Variants in EI24 observed in about 807,000 individuals in gnomAD.
EI24 encodes EI24 autophagy associated transmembrane protein.
A neutral mutation model predicts 48.6 loss-of-function variants in EI24; 21 were observed. The observed-to-expected ratio is 0.43, with a 90% CI of 0.31 to 0.62. The LOEUF (loss-of-function observed/expected upper bound fraction) is 0.62, where lower values mean the gene tolerates loss of function less well. Among genes scored for constraint, EI24 ranks in the 20% least tolerant of loss-of-function variants. EI24 has a pLI of 0.10. For synonymous variants in EI24, 114 were observed against 145.5 expected, an observed-to-expected ratio of 0.78 and a Z score of 1.56; for missense variants, 280 against 410.5, an observed-to-expected ratio of 0.68 and a Z score of 2.75.
At chr11:125,577,252 C>T (rs749118388) in intron 4 of EI24, among the ~76,000 whole-genome samples, 4 of 152,086 alleles carry the variant, frequency 2.6e-5, no homozygotes, top group East Asian at 3.9e-4. Flanking sequence ...CCACCACACC[C>T]GACCAATTGT....
rs1479678850 is a variant in EI24 at position 125,575,251 on chromosome 11, C to T, written c.43-12C>T. On this transcript the variant is annotated splice_polypyrimidine_tract_variant and intron_variant, in intron 2 of 10. Coordinates refer to ENST00000278903, the MANE Select transcript of EI24 (RefSeq NM_004879.5). ...CAAATAATAATAATAATAATGATAG[C>T]CTTTTCTATAGGGAATCAAAGACTC... 1 of 1,533,006 alleles carries T rather than the reference C, an allele frequency of 6.5e-7. No individual in the cohort carries two copies. Among genetic ancestry groups the T allele is most frequent in the African/African-American group, 1.4e-5 (1 of 72,454 alleles). The allele number at this position is 1,533,006 out of a possible 1,614,324, so 95.0% of individuals were successfully genotyped here.
At chr11:125,576,162 T>C in intron 3 of EI24, 93 bp from the exon 4 acceptor site, 1 of 1,209,080 alleles carries the variant, frequency 8.3e-7, no homozygotes, top group Non-Finnish European at 1.2e-6. Flanking sequence ...AATAATACAG[T>C]ACCCACAAAA....
At chr11:125,571,858 A>G (rs1236612647) in intron 1 of EI24, among the ~76,000 whole-genome samples, 3 of 152,204 alleles carry the variant, frequency 2.0e-5, no homozygotes, top group Non-Finnish European at 2.9e-5. Context: ...CCTGGGCAAC[A>G]AGAGCGAGAC....
In EI24 at chr11:125,569,540, G is replaced by C. The variant is rs1938448587; in HGVS notation, c.-104G>C. The C allele has an allele frequency of 2.7e-6, 1 of 376,768 alleles. No individual in the cohort carries two copies. The highest frequency in any genetic ancestry group is 2.1e-5 in the African/African-American group (1 of 47,616). 23.3% of individuals were successfully genotyped at this position (376,768 alleles called of 1,614,324 possible). A position where few individuals can be genotyped will look rare whatever the true frequency, so the allele number is the denominator to read the frequency against. On this transcript the variant is annotated 5_prime_UTR_variant, in exon 1 of 11. Coordinates refer to ENST00000278903, the MANE Select transcript of EI24 (RefSeq NM_004879.5). ...GCGGAGCTGGCCTGCGGTGGGCTAG[G>C]GGCAGGGCCGGAGCCGCGGCGGCGG...
intron 10 of EI24, among the ~76,000 whole-genome samples, chr11:125,583,186 C>T (rs1939086513): frequency 6.6e-6 from 1 of 152,052 alleles, no homozygotes; most frequent in Non-Finnish European, 1.5e-5. Context: ...CTGCAACCTC[C>T]GCCTACCAGG....
chr11:125,579,105 TAAAAAG>T (rs1209504470), intron 7 of EI24, 37 bp downstream of exon 7: 4 of 1,537,176 alleles, frequency 2.6e-6, no homozygotes, highest in Non-Finnish European at 3.5e-6. Context: ...GCAGCTTTAT[TAAAAAG>T]AAAAACTGTT....
chr11:125,582,446 T>C (rs1340184940), intron 10 of EI24, 26 bp downstream of exon 10: 10 of 1,564,374 alleles, frequency 6.4e-6, no homozygotes, highest in African/African-American at 1.4e-5. Flanking sequence ...TGATGAAATT[T>C]TTGCTGTGTA....
In EI24 at chr11:125,584,289, G is replaced by A. The variant is rs1343595049; in HGVS notation, c.*606G>A. On this transcript the variant is annotated 3_prime_UTR_variant, in exon 11 of 11. Transcript: ENST00000278903. Reference sequence around the variant, plus strand: ...CCTGAAGAGATGAGATAGGAGGAAAGACCTCACAGCCAGATCTGCTGGGTT... The same window carrying A: ...CCTGAAGAGATGAGATAGGAGGAAAAACCTCACAGCCAGATCTGCTGGGTT... 2.5e-5 allele frequency: 3 copies of A among 119,206 alleles called. No homozygotes were observed. Among genetic ancestry groups the A allele is most frequent in the African/African-American group, 9.9e-5 (3 of 30,424 alleles). 7.4% of individuals were successfully genotyped at this position (119,206 alleles called of 1,614,324 possible).
intron 2 of EI24, among the ~76,000 whole-genome samples, chr11:125,574,506 T>A (rs917788407): frequency 2.0e-5 from 3 of 152,250 alleles, no homozygotes; most frequent in Non-Finnish European, 4.4e-5. Context: ...TGTTAACAGA[T>A]AATACATCAA....
Position 125,578,231 on chromosome 11 carries a change from A to G in EI24, c.415A>G (p.Lys139Glu). 1.9e-6 allele frequency: 3 copies of G among 1,613,978 alleles called. No homozygotes were observed. The highest frequency in any genetic ancestry group is 2.5e-6 in the Non-Finnish European group (3 of 1,179,896). ...GGTGCTCCCCTTGTTTGTGCTTAGC[A>G]AAGTGGTGAATGCCATTTGGTTTCA... Reference protein sequence around the residue: ...LWVLPLFVLSKVVNAIWFQDI... With the variant: ...LWVLPLFVLSEVVNAIWFQDI... Residue 139 changes from lysine to glutamate, a missense_variant, in exon 6 of 11, where the codon AAA becomes GAA. Around this residue, in one of 3 missense-constraint regions of EI24, gnomAD observed 204 missense variants for 294.1 expected, o/e 0.69. Coordinates refer to ENST00000278903, the MANE Select transcript of EI24 (RefSeq NM_004879.5).
intron 5 of EI24, 133 bp from the exon 6 acceptor site, chr11:125,578,000 G>A: frequency 1.0e-6 from 1 of 985,984 alleles, no homozygotes; most frequent in Non-Finnish European, 1.5e-6. Context: ...CTTTGAGATA[G>A]GTATAGTGAT....
chr11:125,573,913 C>T (rs1185675631), intron 2 of EI24, among the ~76,000 whole-genome samples: 1 of 151,860 alleles, frequency 6.6e-6, no homozygotes, highest in East Asian at 1.9e-4. Flanking sequence ...AACTCCTGAC[C>T]TCAGGTGATC....
At chr11:125,577,352 A>G (rs1938790871) in intron 4 of EI24, among the ~76,000 whole-genome samples, 152 bp from the exon 5 acceptor site, 1 of 152,148 alleles carries the variant, frequency 6.6e-6, no homozygotes, top group Non-Finnish European at 1.5e-5. Context: ...TTGGCCTCTC[A>G]AAGTGAACCA....
chr11:125,576,902 A>G (rs888529224), intron 4 of EI24, among the ~76,000 whole-genome samples: 5 of 152,220 alleles, frequency 3.3e-5, no homozygotes, highest in African/African-American at 9.6e-5. Flanking sequence ...TTTAATTAAT[A>G]TGTATTCCTG....
At chr11:125,572,930 C>T (rs1401447070) in intron 2 of EI24, among the ~76,000 whole-genome samples, 1 of 151,248 alleles carries the variant, frequency 6.6e-6, no homozygotes, top group African/African-American at 2.4e-5. Flanking sequence ...TCATCAGCTT[C>T]CCTTAATGTT....
At chr11:125,576,602 GA>G (rs2135859137) in intron 4 of EI24, among the ~76,000 whole-genome samples, 1 of 152,290 alleles carries the variant, frequency 6.6e-6, no homozygotes, top group South Asian at 2.1e-4. Context: ...ACACTGTCTA[GA>G]CATTTTAAAA....
Position 125,578,154 on chromosome 11 carries a change from A to G in EI24, c.338A>G (p.Asp113Gly). 6.2e-7 allele frequency: 1 copy of G among 1,613,386 alleles called. No homozygotes were observed. Among genetic ancestry groups the G allele is most frequent in the Non-Finnish European group, 8.5e-7 (1 of 1,179,858 alleles). The change falls in exon 6 of 11, where the codon GAT becomes GGT. Residue 113 changes from aspartate to glycine, a missense_variant. This residue lies in a region of EI24 where 204 missense variants were observed against 294.1 expected (regional missense o/e 0.69). Transcript: ENST00000278903. ...RIIGDPSLHG[D>G]VWSWLEFFLT... ...TTAGGTGACCCATCACTACATGGAG[A>G]TGTTTGGTCGTGGCTGGAATTCTTC...
chr11:125,579,615 C>T (rs761347283), intron 7 of EI24, among the ~76,000 whole-genome samples: 5 of 152,016 alleles, frequency 3.3e-5, no homozygotes, highest in Non-Finnish European at 7.4e-5. Context: ...TGTAGTGAGC[C>T]GAGATCGCGC....
At chr11:125,575,135 G>T (rs1161093675) in intron 2 of EI24, 128 bp from the exon 3 acceptor site, 1 of 770,570 alleles carries the variant, frequency 1.3e-6, no homozygotes, top group Non-Finnish European at 1.9e-6. Flanking sequence ...GCTGAGGCAG[G>T]AGGATCATTT....
Sources: allele counts gnomAD v4.1 joint callset (sites outside exome capture counted in the v4.1 genomes callset), GRCh38; gene constraint gnomAD v4.1.1; regional missense constraint gnomAD v4.1.1; transcripts MANE v1.5; gene names NCBI Gene and HGNC (gene_info 2026-07-23, HGNC 2026-07-21).